Variants in NHEJ1 observed in about 807,000 individuals in gnomAD.
NHEJ1 encodes non-homologous end joining factor 1.
NHEJ1 carries 22 observed loss-of-function variants against 39.4 expected under a neutral mutation model. The ratio of observed to expected loss-of-function variants is 0.56; its 90% CI spans 0.40 to 0.80. The LOEUF (loss-of-function observed/expected upper bound fraction) is 0.80. Among genes scored for constraint, NHEJ1 ranks in the 30% least tolerant of loss-of-function variants. The pLI is 0.00. For missense variants in NHEJ1, 329 were observed against 357.1 expected (o/e 0.92, Z 0.63); for synonymous variants, 154 against 135.6 (o/e 1.14, Z -0.94).
intron 3 of NHEJ1, among the ~76,000 whole-genome samples, chr2:219,148,665 CAG>C (rs1348077660): frequency 6.6e-6 from 1 of 152,026 alleles, no homozygotes; most frequent in Non-Finnish European, 1.5e-5. Context: ...TAAAGTGTAA[CAG>C]AAGACAAAAA....
At chr2:219,119,611 A>G (rs1356237773) in intron 5 of NHEJ1, among the ~76,000 whole-genome samples, 3 of 152,128 alleles carry the variant, frequency 2.0e-5, no homozygotes, top group African/African-American at 7.2e-5. Flanking sequence ...CAGCACAAGT[A>G]GGACAATGTT....
At chr2:219,104,616 G>C (rs191718029) in intron 5 of NHEJ1, among the ~76,000 whole-genome samples, 3 of 152,186 alleles carry the variant, frequency 2.0e-5, no homozygotes, top group African/African-American at 4.8e-5. Context: ...CATGACAGAA[G>C]GTGGTAGAGA....
chr2:219,146,623 G>C, intron 5 of NHEJ1, 57 bp downstream of exon 5: 1 of 1,386,624 alleles, frequency 7.2e-7, no homozygotes, highest in Non-Finnish European at 1.0e-6. Context: ...TGGCCACTCA[G>C]GCACCTGGAA....
intron 5 of NHEJ1, among the ~76,000 whole-genome samples, chr2:219,115,793 C>G (rs1283104731): frequency 3.9e-5 from 6 of 152,178 alleles, no homozygotes; most frequent in Admixed American, 3.9e-4. Flanking sequence ...TTATGACATA[C>G]AGAGACCCCA....
chr2:219,148,277 G>GCCT (rs1171529809), intron 3 of NHEJ1, among the ~76,000 whole-genome samples: 1 of 152,136 alleles, frequency 6.6e-6, no homozygotes, highest in Non-Finnish European at 1.5e-5. Context: ...GATCCCACCA[G>GCCT]CTGAGATGGC....
intron 2 of NHEJ1, among the ~76,000 whole-genome samples, 171 bp from the exon 3 acceptor site, chr2:219,157,855 C>G (rs966941976): frequency 6.6e-6 from 1 of 152,108 alleles, no homozygotes; most frequent in Admixed American, 6.5e-5. Flanking sequence ...AAGAGAGTCA[C>G]AAAGACCAAT....
intron 5 of NHEJ1, among the ~76,000 whole-genome samples, chr2:219,133,369 A>G (rs1029855284): frequency 4.6e-5 from 7 of 152,272 alleles, no homozygotes; most frequent in African/African-American, 1.4e-4. Context: ...AAAACCAGAG[A>G]CAACATGTCC....
intron 1 of NHEJ1, chr2:219,159,437 A>C (rs2106370478): frequency 6.6e-6 from 1 of 151,220 alleles, no homozygotes; most frequent in East Asian, 2.0e-4. Context: ...AAATAATGAA[A>C]TTCCTTATTA....
At chr2:219,158,996 A>G (rs906893191) in intron 1 of NHEJ1, 18 of 154,408 alleles carry the variant, frequency 1.2e-4, no homozygotes, top group African/African-American at 4.3e-4. Context: ...AGAGGTCTAC[A>G]GCTATCATCA....
At chr2:219,119,590 T>C (rs908985851) in intron 5 of NHEJ1, among the ~76,000 whole-genome samples, 3 of 151,238 alleles carry the variant, frequency 2.0e-5, no homozygotes, top group Non-Finnish European at 4.4e-5. Context: ...CCCGCCACCC[T>C]GCCCCTGGCC....
At chr2:219,081,977 T>C (rs1490893767) in intron 5 of NHEJ1, among the ~76,000 whole-genome samples, 1 of 152,236 alleles carries the variant, frequency 6.6e-6, no homozygotes, top group Non-Finnish European at 1.5e-5. Flanking sequence ...ATTAAGGTTA[T>C]GCCCATGGGA....
At position 219,074,071 on chromosome 2, in the gene NHEJ1, T is replaced by A. The variant is rs1445576554; in HGVS notation, c.*2310A>T. ...AAGGGCTTCGGGGCAAGAATGCCTG[T>A]GGCAGGGCCTCTGGTAGCAATGTTT... is the stretch of plus-strand genomic sequence containing the variant. On this transcript the variant is annotated 3_prime_UTR_variant, in exon 8 of 8. Coordinates refer to ENST00000356853, the MANE Select transcript of NHEJ1 (RefSeq NM_024782.3). Among the ~76,000 whole-genome samples the A allele has an allele frequency of 6.6e-6, 1 of 152,248 alleles. No homozygotes were observed. The highest frequency in any genetic ancestry group is 2.4e-5 in the African/African-American group (1 of 41,456).
At chr2:219,091,776 T>G (rs1949161978) in intron 5 of NHEJ1, among the ~76,000 whole-genome samples, 2 of 152,154 alleles carry the variant, frequency 1.3e-5, no homozygotes, top group Admixed American at 6.5e-5. Flanking sequence ...AAAAGCTTCT[T>G]TAAATTTGTT....
In NHEJ1 at chr2:219,147,777, G is replaced by A. The variant is rs773823999; in HGVS notation, c.409C>T (p.Arg137Cys). ...GCCAGACTCATGCCCATCAGAGGAC[G>A]AATCAAATGTTGGGAGACCTTTGAG... ...SPSLVSQHLI[R>C]PLMGMSLALQ... The change falls in exon 4 of 8, where the codon CGT (arginine) becomes TGT (cysteine). Residue 137 changes from arginine to cysteine, a missense_variant. Coordinates refer to ENST00000356853, the MANE Select transcript of NHEJ1 (RefSeq NM_024782.3). 4.3e-6 allele frequency: 7 copies of A among 1,614,016 alleles called. No individual in the cohort carries two copies. The highest frequency in any genetic ancestry group is 1.7e-5 in the Admixed American group (1 of 59,992).
Position 219,072,809 on chromosome 2 carries a change from G to T in NHEJ1, c.*3572C>A, listed in dbSNP as rs951205046. On this transcript the variant is annotated 3_prime_UTR_variant, in exon 8 of 8. Transcript: ENST00000356853. The stretch of plus-strand genomic sequence containing the variant: ...CTCTGGAGCGAATCTGTGTAGTTTT[G>T]TAAGTAGGAGAAAATGAGAGACAGA... Among the ~76,000 whole-genome samples, 6 of 152,174 alleles carry T rather than the reference G, an allele frequency of 3.9e-5. No homozygotes were observed. Among genetic ancestry groups the T allele is most frequent in the Non-Finnish European group, 8.8e-5 (6 of 68,026 alleles).
intron 5 of NHEJ1, among the ~76,000 whole-genome samples, chr2:219,121,736 G>A (rs1949473252): frequency 6.6e-6 from 1 of 151,832 alleles, no homozygotes; most frequent in South Asian, 2.1e-4. Context: ...TGAGGTGGAA[G>A]GATCAGTTGA....
chr2:219,151,064 G>A (rs1273468036), intron 3 of NHEJ1, among the ~76,000 whole-genome samples: 2 of 149,392 alleles, frequency 1.3e-5, no homozygotes, highest in Non-Finnish European at 3.0e-5. Flanking sequence ...GGAGGTGGAC[G>A]TTGCAGTGGG....
In NHEJ1 at chr2:219,077,265, G is replaced by C; in HGVS notation, c.806C>G (p.Ala269Gly). The C allele has an allele frequency of 6.2e-7, 1 of 1,613,162 alleles. No individual in the cohort carries two copies. The highest frequency in any genetic ancestry group is 1.1e-5 in the South Asian group (1 of 91,064). ...ACTCACCGTGGACTCTTTCTCAGGTGCTGAGAGGGTTGGGGCTGAGGAGAC... is the reference window on the plus strand; with the variant it reads ...ACTCACCGTGGACTCTTTCTCAGGTCCTGAGAGGGTTGGGGCTGAGGAGAC... ...QLVSSAPTLS[A>G]PEKESTGTSG... Residue 269 changes from alanine to glycine, a missense_variant, in exon 7 of 8, where the codon GCA becomes GGA. Ala to Gly is a moderately conservative substitution (Grantham distance 60, BLOSUM62 0). Coordinates refer to ENST00000356853, the MANE Select transcript of NHEJ1 (RefSeq NM_024782.3).
intron 5 of NHEJ1, among the ~76,000 whole-genome samples, chr2:219,087,054 G>A (rs979896363): frequency 6.6e-6 from 1 of 152,130 alleles, no homozygotes; most frequent in Middle Eastern, 3.2e-3. Context: ...AGAAAGTGTA[G>A]GAGCAACTCT....
Sources: gnomAD v4.1 joint callset for allele counts (sites outside exome capture counted in the v4.1 genomes callset) on GRCh38, gnomAD v4.1.1 for gene constraint, MANE v1.5 for transcripts, NCBI Gene and HGNC (gene_info 2026-07-23, HGNC 2026-07-21) for gene names.